Variants in ADH1B observed in about 807,000 individuals in gnomAD.
ADH1B encodes alcohol dehydrogenase 1B (class I), beta polypeptide.
ADH1B carries 29 observed loss-of-function variants against 34.6 expected under a neutral mutation model. That is an observed-to-expected ratio of 0.84 (90% CI 0.62 to 1.14). The LOEUF (loss-of-function observed/expected upper bound fraction) is 1.14, where lower values mean the gene tolerates loss of function less well. Ranked by LOEUF, ADH1B falls within the 50% of genes most tolerant of loss-of-function variation. ADH1B has a pLI of 0.00. For missense variants in ADH1B, 424 were observed against 468.4 expected (o/e 0.91, Z 0.87); for synonymous variants, 170 against 175.5 (o/e 0.97, Z 0.25).
In ADH1B at chr4:99,321,388, C is replaced by T. The variant is rs1045469905; in HGVS notation, c.-57G>A. On this transcript the variant is annotated 5_prime_UTR_variant, in exon 1 of 9. Transcript: ENST00000305046. Reference sequence around the variant, plus strand: ...CTGTGAGTCTTTGTGGATTTCTTCTCTGCTTGAGTGCATAAAGCAGATATA... The same window carrying T: ...CTGTGAGTCTTTGTGGATTTCTTCTTTGCTTGAGTGCATAAAGCAGATATA... 5.8e-6 allele frequency: 9 copies of T among 1,560,758 alleles called. No homozygotes were observed. Among genetic ancestry groups the T allele is most frequent in the Non-Finnish European group, 7.9e-6 (9 of 1,134,536 alleles).
chr4:99,317,791 C>T (rs1733922560), intron 3 of ADH1B: 2 of 489,320 alleles, frequency 4.1e-6, no homozygotes, highest in Non-Finnish European at 7.0e-6. Context: ...CCTCACATAT[C>T]TCCAGGCTCT....
intron 8 of ADH1B, among the ~76,000 whole-genome samples, chr4:99,309,506 ACT>A (rs1733695123): frequency 1.3e-5 from 2 of 152,190 alleles, no homozygotes; most frequent in African/African-American, 2.4e-5. Context: ...GTTGCTCAAC[ACT>A]GTCCTCTGGT....
chr4:99,316,561 T>G, intron 3 of ADH1B: 1 of 448,436 alleles, frequency 2.2e-6, no homozygotes, highest in Non-Finnish European at 4.0e-6. Flanking sequence ...TCCACTGTAC[T>G]AATAGTTAAC....
At chr4:99,315,837 T>C in intron 5 of ADH1B, 61 bp downstream of exon 5, 1 of 1,591,710 alleles carries the variant, frequency 6.3e-7, no homozygotes, top group Non-Finnish European at 8.6e-7. Context: ...AAGAAATTGC[T>C]TCCCTTTTGG....
Position 99,318,833 on chromosome 4 carries a change from A to G in ADH1B, c.72T>C (p.Ile24=). 1 of 1,613,936 alleles carries G rather than the reference A, an allele frequency of 6.2e-7. No homozygotes were observed. Among genetic ancestry groups the G allele is most frequent in the Non-Finnish European group, 8.5e-7 (1 of 1,179,898 alleles). The change falls in exon 2 of 9, where the codon ATT becomes ATC. Residue 24 remains isoleucine, a synonymous_variant. Coordinates refer to ENST00000305046, the MANE Select transcript of ADH1B (RefSeq NM_000668.6). Reference sequence around the variant, plus strand: ...TAGGAGGTGCAACCTCCACATCCTCAATGGAAAAGGGTTTCTTTACCTCCC... The same window carrying G: ...TAGGAGGTGCAACCTCCACATCCTCGATGGAAAAGGGTTTCTTTACCTCCC... ...VLWEVKKPFS[I]EDVEVAPPKA...
chr4:99,308,984 TA>T (rs1166323190), intron 8 of ADH1B, among the ~76,000 whole-genome samples: 2 of 151,748 alleles, frequency 1.3e-5, no homozygotes, highest in Admixed American at 6.6e-5. Context: ...AAAATAAATA[TA>T]AAAAAAGAAA....
intron 1 of ADH1B, chr4:99,319,169 C>T: frequency 2.1e-6 from 1 of 468,394 alleles, no homozygotes; most frequent in Non-Finnish European, 3.9e-6. Context: ...GTGTTTATTC[C>T]TGGTATTTCC....
At chr4:99,312,976 G>C (rs1447298385) in intron 6 of ADH1B, among the ~76,000 whole-genome samples, 1 of 152,020 alleles carries the variant, frequency 6.6e-6, no homozygotes, top group Non-Finnish European at 1.5e-5. Context: ...GAGATACGTA[G>C]CTTTTAAATT....
rs1430472357 is a variant in ADH1B at position 99,310,871 on chromosome 4, C to T, written c.997G>A (p.Val333Met). 3 of 1,613,476 alleles carry T rather than the reference C, an allele frequency of 1.9e-6. No homozygotes were observed. Among genetic ancestry groups the T allele is most frequent in the Non-Finnish European group, 2.5e-6 (3 of 1,179,670 alleles). ...AACTTCTTAGCCATAAAATCAGCCA[C>T]AAGTTTTGGGATACCTTCTTTACTC... ...FKSKEGIPKL[V>M]ADFMAKKFSL... Residue 333 changes from valine to methionine, a missense_variant, in exon 8 of 9, where the codon GTG becomes ATG. This residue lies in a region of ADH1B where 130 missense variants were observed against 151.8 expected (regional missense o/e 0.86). Transcript: ENST00000305046.
intron 8 of ADH1B, among the ~76,000 whole-genome samples, chr4:99,310,557 A>G (rs893611629): frequency 7.2e-5 from 11 of 152,234 alleles, no homozygotes; most frequent in Middle Eastern, 3.4e-3. Context: ...TAATCAACGT[A>G]ATTTGACTCC....
At chr4:99,319,560 G>GGT (rs1238963253) in intron 1 of ADH1B, 4 of 154,770 alleles carry the variant, frequency 2.6e-5, no homozygotes, top group South Asian at 2.0e-4. Context: ...TAGAGTTGGT[G>GGT]GTGTGTGTGT....
rs1042886707 is a variant in ADH1B, at chr4:99,311,514, T to C, written c.964+7A>G. On this transcript the variant is annotated splice_region_variant and intron_variant, in intron 7 of 8. Coordinates refer to ENST00000305046, the MANE Select transcript of ADH1B (RefSeq NM_000668.6). ...TGAGAATTTGGCACTTGAGCCCAAC[T>C]ACATACCACCATAAACAGCCCCCTT... 6.2e-7 allele frequency: 1 copy of C among 1,612,716 alleles called. No individual in the cohort carries two copies. The highest frequency in any genetic ancestry group is 8.5e-7 in the Non-Finnish European group (1 of 1,179,310).
In ADH1B at chr4:99,316,246, T is replaced by G. The variant is rs914113960; in HGVS notation, c.316A>C (p.Asn106His). Residue 106 changes from asparagine (N) to histidine (H), a missense_variant, in exon 4 of 9, where the codon AAC (asparagine) becomes CAC (histidine). Around this residue, in one of 3 missense-constraint regions of ADH1B, gnomAD observed 291 missense variants for 300.4 expected, o/e 0.97. Coordinates refer to ENST00000305046, the MANE Select transcript of ADH1B (RefSeq NM_000668.6). ...TTCAAGCAGTAGTTGCTCTCCGGGT[T>G]TTTACAAACTCTGCATTTTCCACAC... is the stretch of plus-strand genomic sequence containing the variant. ...PQCGKCRVCKNPESNYCLKND... is the reference protein window; with the variant it reads ...PQCGKCRVCKHPESNYCLKND... The G allele has an allele frequency of 1.1e-5, 18 of 1,614,074 alleles. No homozygotes were observed. The highest frequency in any genetic ancestry group is 1.5e-5 in the Non-Finnish European group (18 of 1,180,042).
At chr4:99,310,670 CTA>C in intron 8 of ADH1B, 93 bp downstream of exon 8, 1 of 1,488,388 alleles carries the variant, frequency 6.7e-7, no homozygotes, top group Non-Finnish European at 9.0e-7. Context: ...CCAAGGGACT[CTA>C]TATTTTCTCA....
intron 6 of ADH1B, chr4:99,313,592 AC>A (rs1452748768): frequency 2.9e-6 from 2 of 682,234 alleles, no homozygotes; most frequent in Non-Finnish European, 4.6e-6. Context: ...AGAAAAACAA[AC>A]CCTTTTCTTT....
At position 99,315,819 on chromosome 4, in the gene ADH1B, A is replaced by G. The variant is rs1011322728; in HGVS notation, c.567+79T>C. ...TTTAAATCTACAAAAATAATTTCTG[A>G]TTCTTGCAAGAAATTGCTTCCCTTT... On this transcript the variant is annotated intron_variant, in intron 5 of 8. Coordinates refer to ENST00000305046, the MANE Select transcript of ADH1B (RefSeq NM_000668.6). The G allele has an allele frequency of 7.7e-6, 12 of 1,560,488 alleles. No homozygotes were observed. In the African/African-American group the frequency reaches 9.5e-5, roughly 12 times the overall value.
chr4:99,315,002 A>G (rs1733842785), intron 5 of ADH1B: 1 of 152,184 alleles, frequency 6.6e-6, no homozygotes, highest in Non-Finnish European at 1.5e-5. Context: ...TTCACCAAAT[A>G]TTATTCATAC....
intron 2 of ADH1B, 129 bp from the exon 3 acceptor site, chr4:99,318,313 T>C (rs1233635299): frequency 1.6e-6 from 2 of 1,237,946 alleles, no homozygotes; most frequent in Non-Finnish European, 2.3e-6. Context: ...CTACTATTCC[T>C]AAATATGAAA....
chr4:99,318,125 G>T lies in ADH1B; in HGVS notation c.180C>A (p.Thr60=). 2.5e-6 allele frequency: 4 copies of T among 1,614,000 alleles called. No individual in the cohort carries two copies. Among genetic ancestry groups the T allele is most frequent in the Non-Finnish European group, 3.4e-6 (4 of 1,179,998 alleles). ...CATGGCCTAAAATCACAGGAAGGGG[G>T]GTCACCAGGTTGCCACTAACCACGT... is the stretch of plus-strand genomic sequence containing the variant. ...DDHVVSGNLV[T]PLPVILGHEA... Residue 60 remains threonine (T), a synonymous_variant, in exon 3 of 9, where the codon ACC becomes ACA. Transcript: ENST00000305046.
Sources: gnomAD v4.1 joint callset for allele counts (sites outside exome capture counted in the v4.1 genomes callset) on GRCh38, gnomAD v4.1.1 for gene constraint, gnomAD v4.1.1 regional missense constraint, MANE v1.5 for transcripts, NCBI Gene and HGNC (gene_info 2026-07-23, HGNC 2026-07-21) for gene names.